Variants in ANK3 observed in about 807,000 individuals in gnomAD.
The protein encoded by ANK3 is ankyrin-3.
Under a neutral mutation model 370.9 loss-of-function variants are expected in ANK3, and 57 were observed. The observed-to-expected ratio is 0.15, with a 90% CI of 0.12 to 0.19. ANK3 has a LOEUF of 0.19. Ranked by LOEUF, ANK3 falls within the 10% of genes least tolerant of loss-of-function variation. The pLI is 1.00. For missense variants in ANK3, 4,439 were observed against 5,302.1 expected (o/e 0.84, Z 5.06); for synonymous variants, 1,929 against 1,946.3 (o/e 0.99, Z 0.23).
intron 26 of ANK3, among the ~76,000 whole-genome samples, chr10:60,113,895 T>C (rs2092900075): frequency 2.6e-5 from 4 of 152,126 alleles, no homozygotes; most frequent in Admixed American, 2.6e-4. Flanking sequence ...AAAATCATTA[T>C]GTTTCAAATT....
chr10:60,215,234 G>A (rs1349034225), intron 8 of ANK3, among the ~76,000 whole-genome samples: 1 of 152,038 alleles, frequency 6.6e-6, no homozygotes, highest in Non-Finnish European at 1.5e-5. Context: ...ATTTGTTTAA[G>A]TTCTTTGTAG....
At chr10:60,682,147 T>A (rs879614494) in intron 1 of ANK3, among the ~76,000 whole-genome samples, 13 of 151,760 alleles carry the variant, frequency 8.6e-5, no homozygotes, top group Admixed American at 7.9e-4. Context: ...ACTCTGCCTT[T>A]AAAAAAAACA....
intron 2 of ANK3, among the ~76,000 whole-genome samples, chr10:60,516,781 C>T (rs2393639): frequency 0.33 from 50,511 of 151,670 alleles, 8,641 homozygotes; most frequent in South Asian, 0.5. Flanking sequence ...CTACTTTGTA[C>T]ATTTTTTTTA....
intron 1 of ANK3, among the ~76,000 whole-genome samples, chr10:60,309,163 T>C (rs2045822776): frequency 6.6e-6 from 1 of 152,186 alleles, no homozygotes; most frequent in Admixed American, 6.5e-5. Context: ...AGCTAAGACA[T>C]AAAAGGTGCT....
chr10:60,304,277 C>G (rs61847718), intron 1 of ANK3, among the ~76,000 whole-genome samples: 3 of 140,402 alleles, frequency 2.1e-5, no homozygotes, highest in East Asian at 2.1e-4. Flanking sequence ...CACACACACA[C>G]AGCAAAAAAA....
At chr10:60,731,052 A>G (rs2080015197) in intron 1 of ANK3, among the ~76,000 whole-genome samples, 2 of 152,216 alleles carry the variant, frequency 1.3e-5, no homozygotes, top group Admixed American at 1.3e-4. Context: ...TCCGACAAAA[A>G]TATACAGACA....
At chr10:60,615,503 G>A (rs1002558976) in intron 1 of ANK3, among the ~76,000 whole-genome samples, 1 of 152,066 alleles carries the variant, frequency 6.6e-6, no homozygotes, top group Non-Finnish European at 1.5e-5. Context: ...AAATGAAATT[G>A]TGCCAGATAC....
intron 43 of ANK3, among the ~76,000 whole-genome samples, chr10:60,032,194 C>CTTGTTTTTTTTTTTTTTTTTTTT (rs2073792976): frequency 2.3e-5 from 1 of 43,114 alleles, no homozygotes; most frequent in Non-Finnish European, 4.5e-5. Flanking sequence ...TACACAGCTT[C>CTTGTTTTTTTTTTTTTTTTTTTT]TTTTTTTTTT....
At chr10:60,084,527 G>T in intron 32 of ANK3, 75 bp downstream of exon 32, 1 of 1,170,534 alleles carries the variant, frequency 8.5e-7, no homozygotes, top group Non-Finnish European at 1.3e-6. Flanking sequence ...TATAGTGAGT[G>T]CTATTAAGAC....
chr10:60,450,195 G>A (rs1327239687), intron 2 of ANK3, among the ~76,000 whole-genome samples: 1 of 152,168 alleles, frequency 6.6e-6, no homozygotes, highest in Admixed American at 6.5e-5. Flanking sequence ...TTGAGAGGCT[G>A]AGGCAGGAGG....
chr10:60,328,598 C>T (rs2050447264), intron 1 of ANK3, among the ~76,000 whole-genome samples: 1 of 152,058 alleles, frequency 6.6e-6, no homozygotes, highest in South Asian at 2.1e-4. Flanking sequence ...GGAAGAAGTC[C>T]AATCCCTGAA....
At chr10:60,350,811 G>A (rs962135120) in intron 1 of ANK3, among the ~76,000 whole-genome samples, 1 of 152,172 alleles carries the variant, frequency 6.6e-6, no homozygotes, top group Non-Finnish European at 1.5e-5. Flanking sequence ...GCAGCCCCTG[G>A]CTCACCAGGT....
Position 60,071,328 on chromosome 10 carries a change from T to A in ANK3, c.9553A>T (p.Thr3185Ser). The change falls in exon 37 of 44, where the codon ACA becomes TCA. Residue 3185 changes from threonine to serine, a missense_variant. By Grantham distance (58) the Thr-to-Ser change is moderately conservative. Coordinates refer to ENST00000280772, the MANE Select transcript of ANK3 (RefSeq NM_020987.5). ...EEVSYEFTSK[T>S]PDSLIAYIPG... ...ATATAAGCTATGAGCGAGTCAGGTG[T>A]CTTAGATGTAAATTCATAACTCACT... 6.2e-7 allele frequency: 1 copy of A among 1,614,064 alleles called. No individual in the cohort carries two copies. The highest frequency in any genetic ancestry group is 8.5e-7 in the Non-Finnish European group (1 of 1,179,998).
intron 1 of ANK3, among the ~76,000 whole-genome samples, chr10:60,691,445 G>A (rs1309056291): frequency 2.6e-5 from 4 of 152,124 alleles, no homozygotes; most frequent in African/African-American, 7.2e-5. Flanking sequence ...TTATTATGAG[G>A]ATTAAATTAA....
At chr10:60,642,637 T>TGGGGGG (rs200229050) in intron 1 of ANK3, among the ~76,000 whole-genome samples, 2 of 144,826 alleles carry the variant, frequency 1.4e-5, no homozygotes, top group Non-Finnish European at 1.5e-5. Context: ...TGTTGTGGGG[T>TGGGGGG]GGGGGGGCGA....
At chr10:60,500,674 T>C (rs984011314) in intron 2 of ANK3, among the ~76,000 whole-genome samples, 1 of 152,156 alleles carries the variant, frequency 6.6e-6, no homozygotes, top group African/African-American at 2.4e-5. Flanking sequence ...TGTTTTAAAT[T>C]ATCCAGGTTT....
chr10:60,406,099 G>A (rs1305675064), intron 2 of ANK3, among the ~76,000 whole-genome samples: 1 of 152,070 alleles, frequency 6.6e-6, no homozygotes, highest in Admixed American at 6.5e-5. Flanking sequence ...CAATAAAAGG[G>A]GTCAAACTTT....
At chr10:60,474,330 C>T (rs117589455) in intron 2 of ANK3, among the ~76,000 whole-genome samples, 1 of 152,054 alleles carries the variant, frequency 6.6e-6, no homozygotes, top group Non-Finnish European at 1.5e-5. Flanking sequence ...CACGCACAGG[C>T]AAACTTAGAG....
intron 1 of ANK3, among the ~76,000 whole-genome samples, chr10:60,296,856 T>A (rs2042630758): frequency 6.6e-6 from 1 of 152,190 alleles, no homozygotes. Context: ...GGTCTACACC[T>A]GTAGTCCCAG....
Sources: allele counts gnomAD v4.1 joint callset (sites outside exome capture counted in the v4.1 genomes callset), GRCh38; gene constraint gnomAD v4.1.1; transcripts MANE v1.5; gene names NCBI Gene and HGNC (gene_info 2026-07-23, HGNC 2026-07-21).